PALLD: variants seen among roughly 807,000 people sequenced by gnomAD.
The protein encoded by PALLD is palladin.
PALLD carries 61 observed loss-of-function variants against 123.5 expected under a neutral mutation model. The observed-to-expected ratio is 0.49, with a 90% CI of 0.40 to 0.61. The LOEUF is 0.61. Ranked by LOEUF, PALLD falls within the 20% of genes least tolerant of loss-of-function variation. The probability of loss-of-function intolerance (pLI) is 0.00; values close to 1 mark genes in which losing one functional copy is unlikely to be tolerated. For missense variants in PALLD, 1,273 were observed against 1,377.0 expected (o/e 0.92, Z 1.20); for synonymous variants, 465 against 496.4 (o/e 0.94, Z 0.84).
chr4:168,915,940 T>G lies in PALLD; in HGVS notation c.2763T>G (p.Ile921Met). ...SRDSGDENEP[I>M]QERFFRPHFL... ...ACAGTGGAGACGAAAATGAACCAAT[T>G]CAGGAGCGATTCTTCAGACCTCACT... The change falls in exon 17 of 22, where the codon ATT (isoleucine) becomes ATG (methionine). Residue 921 changes from isoleucine (I) to methionine (M), a missense_variant. Coordinates refer to ENST00000505667, the MANE Select transcript of PALLD (RefSeq NM_001166108.2). The G allele has an allele frequency of 6.2e-7, 1 of 1,613,222 alleles. No individual in the cohort carries two copies. Among genetic ancestry groups the G allele is most frequent in the Non-Finnish European group, 8.5e-7 (1 of 1,179,184 alleles).
chr4:168,697,539 C>T (rs544967187), intron 8 of PALLD, among the ~76,000 whole-genome samples: 2 of 152,198 alleles, frequency 1.3e-5, no homozygotes, highest in African/African-American at 2.4e-5. Flanking sequence ...AATGGCAGGG[C>T]GGTAAGCCTG....
intron 2 of PALLD, among the ~76,000 whole-genome samples, chr4:168,606,532 G>C (rs919497197): frequency 1.3e-5 from 2 of 152,004 alleles, no homozygotes; most frequent in Non-Finnish European, 2.9e-5. Flanking sequence ...AAATTAGCTG[G>C]GCATGGTAAC....
chr4:168,595,973 C>T (rs1771936065), intron 2 of PALLD, among the ~76,000 whole-genome samples: 2 of 150,100 alleles, frequency 1.3e-5, no homozygotes, highest in Admixed American at 6.6e-5. Flanking sequence ...GAATACCCAA[C>T]TTTCAATTAT....
At chr4:168,563,462 A>G (rs1473142220) in intron 2 of PALLD, among the ~76,000 whole-genome samples, 5 of 152,248 alleles carry the variant, frequency 3.3e-5, no homozygotes, top group African/African-American at 1.2e-4. Flanking sequence ...CCATGATTAA[A>G]GTCAAATCTC....
chr4:168,650,543 T>G (rs1040292974), intron 2 of PALLD, among the ~76,000 whole-genome samples: 3 of 152,214 alleles, frequency 2.0e-5, no homozygotes, highest in Admixed American at 6.5e-5. Context: ...ATTCTTGTCT[T>G]TCCTGTGTCT....
At chr4:168,528,048 C>A (rs950317156) in intron 2 of PALLD, among the ~76,000 whole-genome samples, 2 of 152,216 alleles carry the variant, frequency 1.3e-5, no homozygotes, top group African/African-American at 4.8e-5. Context: ...TCCTCATACT[C>A]TGACGATACC....
intron 2 of PALLD, among the ~76,000 whole-genome samples, chr4:168,625,063 T>A (rs576641636): frequency 6.6e-6 from 1 of 152,114 alleles, no homozygotes; most frequent in Non-Finnish European, 1.5e-5. Flanking sequence ...GAAGTTTATA[T>A]GGAAAAACAA....
At chr4:168,891,458 GC>G (rs1426815383) in intron 11 of PALLD, among the ~76,000 whole-genome samples, 8 of 152,290 alleles carry the variant, frequency 5.3e-5, no homozygotes, top group African/African-American at 1.9e-4. Flanking sequence ...ACTGCACACA[GC>G]CACATTATTT....
chr4:168,612,942 G>A (rs185264294), intron 2 of PALLD, among the ~76,000 whole-genome samples: 6 of 152,160 alleles, frequency 3.9e-5, no homozygotes, highest in African/African-American at 1.4e-4. Context: ...GCCCTCACTG[G>A]ATTCGGAACT....
chr4:168,846,275 T>C (rs1746830293), intron 10 of PALLD, among the ~76,000 whole-genome samples: 1 of 152,236 alleles, frequency 6.6e-6, no homozygotes, highest in East Asian at 1.9e-4. Flanking sequence ...TTCTCATGTT[T>C]CCTTTTATAA....
chr4:168,633,000 G>A (rs1047317623), intron 2 of PALLD, among the ~76,000 whole-genome samples: 1 of 152,278 alleles, frequency 6.6e-6, no homozygotes, highest in Admixed American at 6.5e-5. Context: ...TGTCCTCCAA[G>A]GGACCAGCAT....
intron 2 of PALLD, among the ~76,000 whole-genome samples, chr4:168,661,352 T>C (rs1034375538): frequency 6.6e-6 from 1 of 152,218 alleles, no homozygotes; most frequent in Non-Finnish European, 1.5e-5. Context: ...TTAGCTGACA[T>C]CTATGCTTCC....
intron 10 of PALLD, among the ~76,000 whole-genome samples, chr4:168,821,627 G>A (rs1742725077): frequency 6.6e-6 from 1 of 152,102 alleles, no homozygotes; most frequent in Non-Finnish European, 1.5e-5. Context: ...TGTAATCCTA[G>A]CACTTTGGGA....
chr4:168,562,960 G>A (rs542296733), intron 2 of PALLD, among the ~76,000 whole-genome samples: 2 of 152,298 alleles, frequency 1.3e-5, no homozygotes, highest in East Asian at 1.9e-4. Flanking sequence ...GAATCCAAAC[G>A]GAAAATAGAA....
At chr4:168,836,866 A>G (rs1366138195) in intron 10 of PALLD, among the ~76,000 whole-genome samples, 1 of 152,190 alleles carries the variant, frequency 6.6e-6, no homozygotes, top group Non-Finnish European at 1.5e-5. Flanking sequence ...CAGCCCAGAA[A>G]TCATAGCTGA....
intron 10 of PALLD, among the ~76,000 whole-genome samples, chr4:168,885,173 T>A (rs1753166918): frequency 6.6e-6 from 1 of 152,208 alleles, no homozygotes; most frequent in South Asian, 2.1e-4. Flanking sequence ...TTTCATGGAG[T>A]CTTCTGCAGT....
At chr4:168,881,877 A>C (rs898730570) in intron 10 of PALLD, among the ~76,000 whole-genome samples, 9 of 152,198 alleles carry the variant, frequency 5.9e-5, no homozygotes, top group African/African-American at 2.2e-4. Context: ...GCCGACAGGC[A>C]TAGTGTGGCA....
At chr4:168,723,029 A>G (rs1786176939) in intron 10 of PALLD, among the ~76,000 whole-genome samples, 2 of 152,168 alleles carry the variant, frequency 1.3e-5, no homozygotes, top group East Asian at 3.9e-4. Flanking sequence ...AAAAACTTAA[A>G]CTCTTTCCAA....
intron 15 of PALLD, among the ~76,000 whole-genome samples, chr4:168,910,184 G>A (rs1205833461): frequency 6.7e-6 from 1 of 149,634 alleles, no homozygotes; most frequent in Admixed American, 6.7e-5. Flanking sequence ...GTGTAGAAAT[G>A]TGTGACCTTT....
Sources: gnomAD v4.1 joint callset for allele counts (sites outside exome capture counted in the v4.1 genomes callset) on GRCh38, gnomAD v4.1.1 for gene constraint, MANE v1.5 for transcripts, NCBI Gene and HGNC (gene_info 2026-07-23, HGNC 2026-07-21) for gene names.